TLK1: variants seen among roughly 807,000 people sequenced by gnomAD.
The protein encoded by TLK1 is serine/threonine-protein kinase tousled-like 1.
TLK1 carries 24 observed loss-of-function variants against 105.3 expected under a neutral mutation model. That is an observed-to-expected ratio of 0.23 (90% CI 0.17 to 0.32). The LOEUF (loss-of-function observed/expected upper bound fraction) is 0.32. TLK1 is among the 10% of genes least tolerant of loss of function. The probability of loss-of-function intolerance (pLI) is 1.00; values close to 1 mark genes in which losing one functional copy is unlikely to be tolerated. For missense variants in TLK1, 558 were observed against 910.5 expected, an observed-to-expected ratio of 0.61 and a Z score of 4.98; for synonymous variants, 321 against 310.4, an observed-to-expected ratio of 1.03 and a Z score of -0.36.
chr2:171,172,004 C>G (rs1187676275), intron 1 of TLK1, among the ~76,000 whole-genome samples: 1 of 152,036 alleles, frequency 6.6e-6, no homozygotes. Flanking sequence ...TTGTAATAGC[C>G]CCAAACTAGA....
intron 1 of TLK1, among the ~76,000 whole-genome samples, chr2:171,153,161 G>GTGAT (rs1692108662): frequency 6.6e-6 from 1 of 152,164 alleles, no homozygotes; most frequent in Non-Finnish European, 1.5e-5. Context: ...ATATATCCTA[G>GTGAT]TGATTAAAAT....
In TLK1 at chr2:171,006,886, A is replaced by G; in HGVS notation, c.1512T>C (p.His504=). The G allele has an allele frequency of 1.2e-6, 2 of 1,612,304 alleles. No individual in the cohort carries two copies. The highest frequency in any genetic ancestry group is 1.7e-6 in the Non-Finnish European group (2 of 1,178,856). ...RDEKKENYHK[H]ACREYRIHKE... is the part of the protein sequence containing the mutation. ...TGTGTATTCTATACTCTCTGCAGGCATGTCTATGAGAAGACAGTGTATTAA... is the reference window on the plus strand; with the variant it reads ...TGTGTATTCTATACTCTCTGCAGGCGTGTCTATGAGAAGACAGTGTATTAA... Residue 504 remains histidine (H), a synonymous_variant, in exon 16 of 21, where the codon CAT becomes CAC. Transcript: ENST00000431350.
intron 1 of TLK1, among the ~76,000 whole-genome samples, chr2:171,159,063 CTTGA>C (rs144506012): frequency 0.019 from 2,892 of 152,292 alleles, 35 homozygotes; most frequent in Non-Finnish European, 0.027. Context: ...GCACAAAACA[CTTGA>C]TTAACACTTG....
chr2:170,994,225 G>A lies in TLK1; in HGVS notation c.2125-269C>T, dbSNP rs374272407. 1.1e-4 allele frequency among the ~76,000 whole-genome samples: 17 copies of A among 152,268 alleles called. No individual in the cohort carries two copies. The East Asian group carries it at 2.9e-3, about 26-fold the overall frequency. On this transcript the variant is annotated intron_variant, in intron 20 of 20. Transcript: ENST00000431350. ...ATACTGGAAAGTTGTTTCTGCTTAC[G>A]AAATTCTGAAGACTTTTTTCTAGCA...
intron 1 of TLK1, among the ~76,000 whole-genome samples, chr2:171,206,335 G>A (rs927356719): frequency 6.6e-6 from 1 of 152,180 alleles, no homozygotes; most frequent in Non-Finnish European, 1.5e-5. Context: ...AAAGAAAAGA[G>A]AAAGTTGTGA....
At chr2:171,119,370 T>C (rs1458152668) in intron 1 of TLK1, among the ~76,000 whole-genome samples, 1 of 152,196 alleles carries the variant, frequency 6.6e-6, no homozygotes, top group Non-Finnish European at 1.5e-5. Context: ...ACCACCTTCT[T>C]GTTCTCTCTT....
At chr2:171,087,879 A>T (rs1397671711) in intron 2 of TLK1, among the ~76,000 whole-genome samples, 3 of 152,228 alleles carry the variant, frequency 2.0e-5, no homozygotes, top group African/African-American at 7.2e-5. Context: ...TTAAGTAGAA[A>T]GTCTACACTA....
rs139603073 is a variant in TLK1, at chr2:171,061,139, T to C, written c.348A>G (p.Gln116=). The change falls in exon 4 of 21, where the codon CAA becomes CAG. Residue 116 remains glutamine (Q), a synonymous_variant. Transcript: ENST00000431350. ...TCTTTCTTCCCCTGGATGATTCCGA[T>C]TGTTTCTTCTCCGGTGTCTACAGAA... ...DKESETPEKK[Q]SESSRGRKRK... is the part of the protein sequence containing the mutation. 6.5e-4 allele frequency: 1,053 copies of C among 1,613,646 alleles called. 2 individuals are homozygous for C. The highest frequency in any genetic ancestry group is 8.3e-4 in the Non-Finnish European group (975 of 1,179,762).
intron 1 of TLK1, among the ~76,000 whole-genome samples, chr2:171,129,386 C>T (rs1691003624): frequency 2.0e-5 from 3 of 152,122 alleles, no homozygotes; most frequent in African/African-American, 7.2e-5. Context: ...CCCAATAATA[C>T]AGGGTGAAAG....
intron 11 of TLK1, among the ~76,000 whole-genome samples, chr2:171,031,681 T>C (rs146928866): frequency 5.7e-4 from 87 of 152,324 alleles, no homozygotes; most frequent in African/African-American, 2.0e-3. Context: ...AACATAAGAC[T>C]TGACTCCTGA....
At chr2:171,036,073 GC>G (rs1206090283) in intron 11 of TLK1, among the ~76,000 whole-genome samples, 2 of 152,198 alleles carry the variant, frequency 1.3e-5, no homozygotes, top group East Asian at 1.9e-4. Context: ...GAAGTAGAAT[GC>G]GCCTTTAATA....
chr2:171,087,491 C>T (rs567843378), intron 2 of TLK1, among the ~76,000 whole-genome samples: 2 of 152,088 alleles, frequency 1.3e-5, no homozygotes, highest in African/African-American at 4.8e-5. Flanking sequence ...CACCATGAAG[C>T]AGTCTAAGAT....
chr2:171,170,535 G>C (rs1191172757), intron 1 of TLK1, among the ~76,000 whole-genome samples: 1 of 152,188 alleles, frequency 6.6e-6, no homozygotes, highest in Non-Finnish European at 1.5e-5. Flanking sequence ...CAGACATCTG[G>C]TGTGTCTCTT....
chr2:171,073,442 T>C (rs1688352335), intron 3 of TLK1, among the ~76,000 whole-genome samples: 1 of 152,118 alleles, frequency 6.6e-6, no homozygotes, highest in Non-Finnish European at 1.5e-5. Flanking sequence ...CTAGACAGAA[T>C]ATATCAGAAT....
At chr2:171,162,778 C>T (rs1692538110), upstream of TLK1, among the ~76,000 whole-genome samples, 1 of 152,094 alleles carries the variant, frequency 6.6e-6, no homozygotes, top group Admixed American at 6.5e-5. Context: ...AATTTGTACT[C>T]TTGTCTGGCT....
intron 1 of TLK1, among the ~76,000 whole-genome samples, chr2:171,137,630 C>A (rs1442786737): frequency 2.0e-5 from 3 of 152,020 alleles, no homozygotes; most frequent in Non-Finnish European, 4.4e-5. Context: ...GGGCGGATTG[C>A]CTGAGCTCAG....
intron 1 of TLK1, among the ~76,000 whole-genome samples, chr2:171,192,102 C>T (rs1347407850): frequency 6.6e-6 from 1 of 152,180 alleles, no homozygotes; most frequent in South Asian, 2.1e-4. Flanking sequence ...AATCTTGGCT[C>T]ACTGCAGCTT....
chr2:171,213,680 G>GT, intron 1 of TLK1, among the ~76,000 whole-genome samples: 1 of 150,342 alleles, frequency 6.7e-6, no homozygotes, highest in Non-Finnish European at 1.5e-5. Flanking sequence ...GTCCCAGTTA[G>GT]TTGGGAGGCT....
intron 20 of TLK1, among the ~76,000 whole-genome samples, chr2:170,995,955 G>C (rs1361216116): frequency 6.6e-6 from 1 of 152,088 alleles, no homozygotes; most frequent in African/African-American, 2.4e-5. Context: ...TGCCTGCCTG[G>C]GCCTCCCAAA....
Sources: gnomAD v4.1 joint callset for allele counts (sites outside exome capture counted in the v4.1 genomes callset) on GRCh38, gnomAD v4.1.1 for gene constraint, MANE v1.5 for transcripts, NCBI Gene and HGNC (gene_info 2026-07-23, HGNC 2026-07-21) for gene names.